Variants in TFDP1 observed in about 807,000 individuals in gnomAD.
TFDP1 encodes transcription factor Dp-1.
In TFDP1, 6 loss-of-function variants were observed where a neutral mutation model predicts 48.0. That is an observed-to-expected ratio of 0.13 (90% CI 0.07 to 0.25). The LOEUF is 0.25. Among genes scored for constraint, TFDP1 ranks in the 10% least tolerant of loss-of-function variants. The probability of loss-of-function intolerance (pLI) is 1.00; values close to 1 mark genes in which losing one functional copy is unlikely to be tolerated. For missense variants in TFDP1, 335 were observed against 543.0 expected, an observed-to-expected ratio of 0.62 and a Z score of 3.81; for synonymous variants, 201 against 211.6, an observed-to-expected ratio of 0.95 and a Z score of 0.44.
At chr13:113,595,528 G>A (rs1049972133) in intron 2 of TFDP1, among the ~76,000 whole-genome samples, 2 of 152,176 alleles carry the variant, frequency 1.3e-5, no homozygotes, top group African/African-American at 2.4e-5. Flanking sequence ...AGTTAGGAGC[G>A]CTCTTCCTGC....
At chr13:113,611,118 A>C (rs566283240) in intron 3 of TFDP1, 56 bp downstream of exon 3, 1 of 1,490,452 alleles carries the variant, frequency 6.7e-7, no homozygotes, top group East Asian at 2.3e-5. Flanking sequence ...GAAGCTTCAC[A>C]TGTTTATGAA....
At chr13:113,617,102 G>A (rs940461917) in intron 3 of TFDP1, among the ~76,000 whole-genome samples, 7 of 152,180 alleles carry the variant, frequency 4.6e-5, no homozygotes, top group Admixed American at 1.3e-4. Context: ...ACTAGCACCC[G>A]TGTGTTCTCA....
intron 8 of TFDP1, 21 bp from the exon 9 acceptor site, chr13:113,635,956 G>A: frequency 1.9e-6 from 3 of 1,610,652 alleles, no homozygotes; most frequent in Non-Finnish European, 2.5e-6. Context: ...CGGGCCACCT[G>A]GCTCCTCTTA....
chr13:113,632,945 C>A (rs544803050), intron 5 of TFDP1, among the ~76,000 whole-genome samples, 175 bp from the exon 6 acceptor site: 2 of 152,330 alleles, frequency 1.3e-5, no homozygotes, highest in South Asian at 4.1e-4. Context: ...GACCACTGGG[C>A]CTGGGGGCTG....
At chr13:113,639,196 G>A (rs1051099098) in intron 11 of TFDP1, among the ~76,000 whole-genome samples, 1 of 152,240 alleles carries the variant, frequency 6.6e-6, no homozygotes, top group African/African-American at 2.4e-5. Context: ...ACGTGTGGCG[G>A]TCAGTCTGTA....
intron 7 of TFDP1, 177 bp downstream of exon 7, chr13:113,634,210 C>G: frequency 1.1e-6 from 1 of 882,362 alleles, no homozygotes; most frequent in Non-Finnish European, 1.8e-6. Flanking sequence ...GGGGAGGGAG[C>G]ATGGTTGGCC....
intron 2 of TFDP1, among the ~76,000 whole-genome samples, chr13:113,596,719 G>A (rs1594417840): frequency 6.6e-6 from 1 of 152,206 alleles, no homozygotes; most frequent in East Asian, 1.9e-4. Flanking sequence ...CATTGGAGTG[G>A]CCAGACCAAA....
chr13:113,625,811 T>C (rs1366077964), intron 4 of TFDP1, among the ~76,000 whole-genome samples: 4 of 140,682 alleles, frequency 2.8e-5, no homozygotes, highest in Admixed American at 6.9e-5. Context: ...TGTCCTCAGG[T>C]GTCTCACGCG....
intron 2 of TFDP1, 88 bp from the exon 3 acceptor site, chr13:113,610,908 A>G (rs1005744964): frequency 3.2e-6 from 4 of 1,238,164 alleles, no homozygotes; most frequent in East Asian, 4.7e-5. Flanking sequence ...ACGTTATTTG[A>G]TAGAACCCTT....
chr13:113,601,439 T>G (rs1816703492), intron 2 of TFDP1, among the ~76,000 whole-genome samples: 1 of 146,836 alleles, frequency 6.8e-6, no homozygotes, highest in African/African-American at 2.6e-5. Flanking sequence ...GCTGGTGGCT[T>G]CCTCAGGGTG....
At chr13:113,631,844 G>A (rs1205342609) in intron 5 of TFDP1, 100 bp downstream of exon 5, 2 of 1,478,270 alleles carry the variant, frequency 1.4e-6, no homozygotes, top group Non-Finnish European at 1.8e-6. Flanking sequence ...GTGCGATGGG[G>A]CTCCCACGCG....
At chr13:113,591,501 C>T (rs569723202) in intron 2 of TFDP1, among the ~76,000 whole-genome samples, 3 of 152,284 alleles carry the variant, frequency 2.0e-5, no homozygotes, top group South Asian at 4.1e-4. Context: ...TGGAAGAAAT[C>T]TCTGGAGTTC....
At chr13:113,609,939 C>T (rs1376089695) in intron 2 of TFDP1, among the ~76,000 whole-genome samples, 1 of 152,182 alleles carries the variant, frequency 6.6e-6, no homozygotes, top group African/African-American at 2.4e-5. Context: ...TCCAAGGCCT[C>T]CTCTTGGGAT....
intron 8 of TFDP1, among the ~76,000 whole-genome samples, chr13:113,635,029 C>G (rs570258765): frequency 6.6e-6 from 1 of 152,336 alleles, no homozygotes; most frequent in African/African-American, 2.4e-5. Context: ...TTTGAAAAAT[C>G]TCCTCAGAGG....
chr13:113,613,307 C>A (rs894345459), intron 3 of TFDP1, among the ~76,000 whole-genome samples: 1 of 152,240 alleles, frequency 6.6e-6, no homozygotes, highest in Non-Finnish European at 1.5e-5. Context: ...AGCCACTGCA[C>A]CCGGCCACAC....
chr13:113,640,608 G>A lies in TFDP1; in HGVS notation c.*341G>A, dbSNP rs1182783340. 1.0e-5 allele frequency: 3 copies of A among 285,756 alleles called. No homozygotes were observed. The highest frequency in any genetic ancestry group is 2.4e-5 in the African/African-American group (1 of 42,526). The allele number at this position is 285,756 out of a possible 1,614,324, so 17.7% of individuals were successfully genotyped here. On this transcript the variant is annotated 3_prime_UTR_variant, in exon 12 of 12. Coordinates refer to ENST00000375370, the MANE Select transcript of TFDP1 (RefSeq NM_007111.5). ...GAAATTGTATTTCAACCACATCCAT[G>A]AAAATAAAACACCTCCTGTTGTGGA...
intron 2 of TFDP1, among the ~76,000 whole-genome samples, chr13:113,599,022 G>T (rs2048348848): frequency 6.6e-6 from 1 of 152,190 alleles, no homozygotes; most frequent in Non-Finnish European, 1.5e-5. Context: ...ACAGTCAACG[G>T]GGCTCTGCTG....
At chr13:113,636,477 G>A in intron 9 of TFDP1, 57 bp from the exon 10 acceptor site, 2 of 1,588,452 alleles carry the variant, frequency 1.3e-6, no homozygotes, top group Non-Finnish European at 1.7e-6. Flanking sequence ...CTCCACCCCA[G>A]TGTGTACCGT....
chr13:113,626,745 G>A (rs1486142332), intron 4 of TFDP1, among the ~76,000 whole-genome samples: 1 of 152,174 alleles, frequency 6.6e-6, no homozygotes, highest in East Asian at 1.9e-4. Context: ...TTCAGTAAAT[G>A]CCATTTTGAT....
Sources: allele counts gnomAD v4.1 joint callset (sites outside exome capture counted in the v4.1 genomes callset), GRCh38; gene constraint gnomAD v4.1.1; transcripts MANE v1.5; gene names NCBI Gene and HGNC (gene_info 2026-07-23, HGNC 2026-07-21).